PCDHA1: variants seen among roughly 807,000 people sequenced by gnomAD.
PCDHA1 encodes protocadherin alpha 1.
In PCDHA1, 42 loss-of-function variants were observed where a neutral mutation model predicts 61.3. The observed-to-expected ratio is 0.69, with a 90% CI of 0.54 to 0.89. The LOEUF is 0.89. Among genes scored for constraint, PCDHA1 ranks in the 40% least tolerant of loss-of-function variants. The probability of loss-of-function intolerance (pLI) is 0.00; values close to 1 mark genes in which losing one functional copy is unlikely to be tolerated. For missense variants in PCDHA1, 1,256 were observed against 1,235.3 expected (o/e 1.02, Z -0.25); for synonymous variants, 610 against 553.8 (o/e 1.10, Z -1.43).
intron 1 of PCDHA1, chr5:140,883,659 T>A (rs2059734857): frequency 6.2e-7 from 1 of 1,612,766 alleles, no homozygotes. Flanking sequence ...ACGGTGTTCG[T>A]GAAGGAAAAC....
At chr5:140,948,856 ATATTACTTCGGGTTTACTTT>A (rs1364138889) in intron 1 of PCDHA1, among the ~76,000 whole-genome samples, 11 of 151,588 alleles carry the variant, frequency 7.3e-5, no homozygotes, top group African/African-American at 2.7e-4. Context: ...TTGCCTTCTT[ATATTACTTCGGGTTTACTTT>A]GCTCTCTTTT....
chr5:140,917,260 G>A (rs2077984179), intron 1 of PCDHA1, among the ~76,000 whole-genome samples: 2 of 143,736 alleles, frequency 1.4e-5, no homozygotes, highest in South Asian at 4.4e-4. Flanking sequence ...CTCACCTGAT[G>A]TTTGGTTTTT....
intron 1 of PCDHA1, among the ~76,000 whole-genome samples, chr5:140,894,188 A>AT (rs1157134749): frequency 1.1e-4 from 17 of 152,072 alleles, no homozygotes; most frequent in African/African-American, 4.1e-4. Flanking sequence ...ATAGTTATAT[A>AT]TTTTTTCTAT....
intron 1 of PCDHA1, among the ~76,000 whole-genome samples, chr5:140,950,594 G>C (rs1469063256): frequency 6.6e-6 from 1 of 152,040 alleles, no homozygotes; most frequent in African/African-American, 2.4e-5. Flanking sequence ...TGGTTTAGAA[G>C]TTTGACTATG....
At chr5:140,853,868 T>C (rs2042891681) in intron 1 of PCDHA1, 1 of 983,114 alleles carries the variant, frequency 1.0e-6, no homozygotes, top group South Asian at 4.7e-5. Flanking sequence ...TACTTGACAG[T>C]GCAAGTTTCT....
intron 1 of PCDHA1, chr5:140,836,055 G>A: frequency 5.6e-6 from 9 of 1,613,604 alleles, no homozygotes; most frequent in Non-Finnish European, 7.6e-6. Flanking sequence ...CGTGCTGGAC[G>A]AGAACGACAA....
chr5:140,920,180 T>C (rs1386784105), intron 1 of PCDHA1, among the ~76,000 whole-genome samples: 1 of 152,198 alleles, frequency 6.6e-6, no homozygotes, highest in Admixed American at 6.5e-5. Context: ...ACCCAGTGTG[T>C]AGTAATTTGT....
intron 1 of PCDHA1, chr5:140,850,379 G>A: frequency 1.3e-6 from 2 of 1,597,906 alleles, no homozygotes; most frequent in Non-Finnish European, 1.7e-6. Flanking sequence ...GGCTGTACAC[G>A]GGCGAGATCA....
chr5:140,829,369 C>G, intron 1 of PCDHA1: 1 of 1,614,202 alleles, frequency 6.2e-7, no homozygotes, highest in Non-Finnish European at 8.5e-7. Flanking sequence ...TGGTGGTAAC[C>G]GCGCGGGACG....
At chr5:140,842,090 A>G in intron 1 of PCDHA1, 1 of 1,613,904 alleles carries the variant, frequency 6.2e-7, no homozygotes, top group Non-Finnish European at 8.5e-7. Flanking sequence ...AAACGCAGAC[A>G]ACGGAACAAC....
intron 1 of PCDHA1, among the ~76,000 whole-genome samples, chr5:140,845,512 T>C (rs2150379573): frequency 1.1e-4 from 17 of 149,824 alleles, no homozygotes; most frequent in Admixed American, 1.1e-3. Flanking sequence ...ACCTATTTCT[T>C]GTACATTAAT....
At chr5:140,874,554 TTC>T (rs2054993631) in intron 1 of PCDHA1, among the ~76,000 whole-genome samples, 1 of 152,236 alleles carries the variant, frequency 6.6e-6, no homozygotes, top group African/African-American at 2.4e-5. Flanking sequence ...TAAGAGATCT[TTC>T]GCATTTTAGT....
intron 1 of PCDHA1, among the ~76,000 whole-genome samples, chr5:140,838,881 C>G (rs2150293311): frequency 2.0e-5 from 3 of 151,836 alleles, no homozygotes; most frequent in Non-Finnish European, 4.4e-5. Flanking sequence ...TGCCACTGAA[C>G]TCCAGCCTAG....
In PCDHA1 at chr5:140,841,984, G is replaced by T. The variant is rs2150326870; in HGVS notation, c.2394+53300G>T. On this transcript the variant is annotated intron_variant, in intron 1 of 3. Coordinates refer to ENST00000504120, the MANE Select transcript of PCDHA1 (RefSeq NM_018900.4). ...CAGCCACAGATGGGGGCAAACCTGA[G>T]CTCACAGGCACTGTTCAGCTGCTGG... 5 of 1,613,848 alleles carry T rather than the reference G, an allele frequency of 3.1e-6. No homozygotes were observed. In the East Asian group the frequency reaches 1.1e-4, roughly 36 times the overall value.
intron 1 of PCDHA1, chr5:140,803,501 C>T (rs933077933): frequency 1.2e-6 from 2 of 1,614,222 alleles, no homozygotes; most frequent in South Asian, 2.2e-5. Flanking sequence ...CCAAGACCGA[C>T]CTCATGGCTT....
intron 1 of PCDHA1, among the ~76,000 whole-genome samples, chr5:140,891,916 G>T (rs1336108155): frequency 6.6e-6 from 1 of 152,170 alleles, no homozygotes; most frequent in Non-Finnish European, 1.5e-5. Context: ...ACCAGATGCT[G>T]GTGCCTTGAT....
intron 1 of PCDHA1, chr5:140,817,369 G>C (rs2150097820): frequency 6.6e-6 from 1 of 152,148 alleles, no homozygotes; most frequent in Non-Finnish European, 1.5e-5. Context: ...AACTGGTTTC[G>C]GCACTTATCA....
In PCDHA1 at chr5:140,848,354, C is replaced by T. The variant is rs1427419086; in HGVS notation, c.2394+59670C>T. The T allele has an allele frequency of 5.9e-6, 6 of 1,023,948 alleles. No homozygotes were observed. In the East Asian group the frequency reaches 7.1e-5, roughly 12 times the overall value. The allele number at this position is 1,023,948 out of a possible 1,614,324, so 63.4% of individuals were successfully genotyped here. On this transcript the variant is annotated intron_variant, in intron 1 of 3. Transcript: ENST00000504120. Reference sequence around the variant, plus strand: ...AATCCAGACAAATACAGCCCTTTTCCCATGGGAAAGAGGCTCAATTCTTTT... The same window carrying T: ...AATCCAGACAAATACAGCCCTTTTCTCATGGGAAAGAGGCTCAATTCTTTT...
chr5:141,009,627 A>G lies in PCDHA1; in HGVS notation c.2543A>G (p.Glu848Gly), dbSNP rs782179145. 6.2e-7 allele frequency: 1 copy of G among 1,612,842 alleles called. No individual in the cohort carries two copies. The highest frequency in any genetic ancestry group is 1.1e-5 in the South Asian group (1 of 90,980). The change falls in exon 4 of 4, where the codon GAA becomes GGA. Residue 848 changes from glutamate (E) to glycine (G), a missense_variant and splice_region_variant. By Grantham distance (98) the Glu-to-Gly change is moderately conservative (BLOSUM62 -2). Coordinates refer to ENST00000504120, the MANE Select transcript of PCDHA1 (RefSeq NM_018900.4). Reference protein sequence around the residue: ...QWPTVSSATPEPEAGEVSPPV... With the variant: ...QWPTVSSATPGPEAGEVSPPV... ...TGATTTGTAATGTTTTGTCTTTCAGAACCAGAGGCAGGAGAAGTGTCCCCT... is the reference window on the plus strand; with the variant it reads ...TGATTTGTAATGTTTTGTCTTTCAGGACCAGAGGCAGGAGAAGTGTCCCCT...
Sources: gnomAD v4.1 joint callset for allele counts (sites outside exome capture counted in the v4.1 genomes callset) on GRCh38, gnomAD v4.1.1 for gene constraint, MANE v1.5 for transcripts, NCBI Gene and HGNC (gene_info 2026-07-23, HGNC 2026-07-21) for gene names.